Variants in IL1R1 observed in about 807,000 individuals in gnomAD.
The protein encoded by IL1R1 is interleukin-1 receptor type 1.
In IL1R1, 22 loss-of-function variants were observed where a neutral mutation model predicts 50.2. The ratio of observed to expected loss-of-function variants is 0.44; its 90% confidence interval spans 0.31 to 0.63. The LOEUF (loss-of-function observed/expected upper bound fraction) is 0.63. IL1R1 is among the 20% of genes least tolerant of loss of function. The pLI, the probability that IL1R1 is intolerant of heterozygous loss-of-function variation, is 0.07. For synonymous variants in IL1R1, 251 were observed against 236.7 expected, an observed-to-expected ratio of 1.06 and a Z score of -0.55; for missense variants, 509 against 676.2, an observed-to-expected ratio of 0.75 and a Z score of 2.74.
chr2:102,142,541 A>G (rs557344530), upstream of IL1R1: 21 of 152,058 alleles, frequency 1.4e-4, no homozygotes, highest in African/African-American at 3.6e-4. Context: ...CAGCTCTCCA[A>G]TGCTTTGGAA....
rs1682146586 is a variant in IL1R1 at position 102,133,284 on chromosome 2, A to G, written c.-83-20657A>G. On this transcript the variant is annotated intron_variant, in intron 1 of 10. Transcript: ENST00000409329. ...AAAATCTTCCCACAAGGCAAATTCC[A>G]GGCCCAGATAACACGTCTTGTGAAT... Among the ~76,000 whole-genome samples the G allele has an allele frequency of 2.0e-5, 3 of 151,668 alleles. No individual in the cohort carries two copies. In the South Asian group the frequency reaches 6.3e-4, roughly 32 times the overall value.
chr2:102,166,205 C>G lies in IL1R1; in HGVS notation c.579C>G (p.Asn193Lys). The G allele has an allele frequency of 6.2e-7, 1 of 1,613,664 alleles. No individual in the cohort carries two copies. Among genetic ancestry groups the G allele is most frequent in the Non-Finnish European group, 8.5e-7 (1 of 1,179,730 alleles). The change falls in exon 6 of 12, where the codon AAC becomes AAG. Residue 193 changes from asparagine to lysine, a missense_variant. Physicochemically the swap from Asn to Lys is moderately conservative, Grantham distance 94. Transcript: ENST00000410023. ...ATGTGGCTGAAAAGCATAGAGGGAACTATACTTGTCATGCATCCTACACAT... is the reference window on the plus strand; with the variant it reads ...ATGTGGCTGAAAAGCATAGAGGGAAGTATACTTGTCATGCATCCTACACAT... Reference protein sequence around the residue: ...VMNVAEKHRGNYTCHASYTYL... With the variant: ...VMNVAEKHRGKYTCHASYTYL...
intron 1 of IL1R1, among the ~76,000 whole-genome samples, chr2:102,093,563 G>A (rs1484111554): frequency 6.6e-6 from 1 of 152,096 alleles, no homozygotes; most frequent in Non-Finnish European, 1.5e-5. Context: ...ACCGCATTCT[G>A]GATTAATTTG....
At chr2:102,173,656 T>C (rs1190336974) in intron 9 of IL1R1, among the ~76,000 whole-genome samples, 1 of 152,212 alleles carries the variant, frequency 6.6e-6, no homozygotes, top group African/African-American at 2.4e-5. Context: ...ATTATGAAGA[T>C]ATCAGTTCTT....
chr2:102,173,783 G>T (rs1685885612), intron 9 of IL1R1, among the ~76,000 whole-genome samples: 1 of 151,992 alleles, frequency 6.6e-6, no homozygotes, highest in Non-Finnish European at 1.5e-5. Context: ...AAAGTCATAG[G>T]GAACTGTAAA....
At chr2:102,084,751 A>C (rs1433715591) in intron 1 of IL1R1, among the ~76,000 whole-genome samples, 1 of 152,184 alleles carries the variant, frequency 6.6e-6, no homozygotes, top group Admixed American at 6.5e-5. Context: ...TTGGTCTTGT[A>C]CCTGTGAGTG....
chr2:102,129,822 G>A (rs537162797), intron 1 of IL1R1, among the ~76,000 whole-genome samples: 1 of 152,022 alleles, frequency 6.6e-6, no homozygotes, highest in Non-Finnish European at 1.5e-5. Flanking sequence ...AGACACCTTC[G>A]TACTCTTAAA....
chr2:102,174,956 A>G (rs886803882), intron 10 of IL1R1, among the ~76,000 whole-genome samples: 2 of 152,206 alleles, frequency 1.3e-5, no homozygotes, highest in African/African-American at 4.8e-5. Context: ...TAGAATAAAC[A>G]GGTATTTAGA....
upstream of IL1R1, among the ~76,000 whole-genome samples, chr2:102,137,961 T>C (rs1013229286): frequency 1.3e-5 from 2 of 152,112 alleles, no homozygotes; most frequent in African/African-American, 2.4e-5. Flanking sequence ...TTACAAAAAA[T>C]TGCAGAAAAC....
upstream of IL1R1, among the ~76,000 whole-genome samples, chr2:102,104,135 G>T (rs559790648): frequency 3.4e-4 from 52 of 152,278 alleles, no homozygotes; most frequent in Non-Finnish European, 6.3e-4. Context: ...TCCAGGGTGT[G>T]GTGAAGGGAG....
intron 1 of IL1R1, among the ~76,000 whole-genome samples, chr2:102,072,745 T>C (rs1377914324): frequency 2.6e-5 from 4 of 152,228 alleles, no homozygotes; most frequent in Non-Finnish European, 4.4e-5. Flanking sequence ...CCCTAAGTTT[T>C]CATTGATTTG....
intron 8 of IL1R1, chr2:102,172,391 T>G (rs1685766562): frequency 1.0e-6 from 1 of 985,264 alleles, no homozygotes; most frequent in Admixed American, 6.2e-5. Context: ...CTCCTCTTGT[T>G]TAGTGTCTCC....
chr2:102,168,710 T>TA (rs397897631), intron 7 of IL1R1, 47 bp downstream of exon 7: 26 of 1,241,074 alleles, frequency 2.1e-5, no homozygotes, highest in East Asian at 2.3e-5. Flanking sequence ...TTTTTTTTTT[T>TA]AAAACATAAG....
At chr2:102,101,570 A>C (rs964168299), upstream of IL1R1, among the ~76,000 whole-genome samples, 1 of 152,134 alleles carries the variant, frequency 6.6e-6, no homozygotes, top group Non-Finnish European at 1.5e-5. Context: ...CTCCTTTTTC[A>C]ATTGGGAGGT....
upstream of IL1R1, chr2:102,142,530 G>T (rs953028518): frequency 2.0e-5 from 3 of 152,110 alleles, no homozygotes; most frequent in African/African-American, 7.2e-5. Context: ...AGAGCGCCCG[G>T]CAGCTCTCCA....
intron 1 of IL1R1, among the ~76,000 whole-genome samples, chr2:102,119,969 A>C (rs1302585849): frequency 6.6e-6 from 1 of 152,112 alleles, no homozygotes; most frequent in Non-Finnish European, 1.5e-5. Flanking sequence ...CTTGGCAGCC[A>C]CCACTCTACT....
intron 1 of IL1R1, among the ~76,000 whole-genome samples, chr2:102,078,820 G>A (rs943972811): frequency 6.6e-6 from 1 of 152,088 alleles, no homozygotes; most frequent in Non-Finnish European, 1.5e-5. Flanking sequence ...TATCCCTGAT[G>A]AATACAGACA....
At chr2:102,163,981 C>T (rs1192698799) in intron 3 of IL1R1, among the ~76,000 whole-genome samples, 1 of 152,198 alleles carries the variant, frequency 6.6e-6, no homozygotes. Flanking sequence ...TCTGGGTACT[C>T]TGCCTGATGC....
At chr2:102,079,038 C>T (rs528695086) in intron 1 of IL1R1, among the ~76,000 whole-genome samples, 3 of 152,154 alleles carry the variant, frequency 2.0e-5, no homozygotes, top group Non-Finnish European at 2.9e-5. Context: ...AAATCTGACA[C>T]CCTTTCAAGA....
Sources: allele counts gnomAD v4.1 joint callset (sites outside exome capture counted in the v4.1 genomes callset), GRCh38; gene constraint gnomAD v4.1.1; transcripts MANE v1.5; gene names NCBI Gene and HGNC (gene_info 2026-07-23, HGNC 2026-07-21).